ANKS1B: variants seen among roughly 807,000 people sequenced by gnomAD.
The protein encoded by ANKS1B is ankyrin repeat and sterile alpha motif domain containing 1B.
Under a neutral mutation model 148.3 loss-of-function variants are expected in ANKS1B, and 36 were observed. The observed-to-expected ratio is 0.24, with a 90% CI of 0.19 to 0.32. The LOEUF (loss-of-function observed/expected upper bound fraction) is 0.32. Ranked by LOEUF, ANKS1B falls within the 10% of genes least tolerant of loss-of-function variation. The pLI, the probability that ANKS1B is intolerant of heterozygous loss-of-function variation, is 1.00. For synonymous variants in ANKS1B, 542 were observed against 560.8 expected, an observed-to-expected ratio of 0.97 and a Z score of 0.47; for missense variants, 1,157 against 1,542.6, an observed-to-expected ratio of 0.75 and a Z score of 4.19.
At chr12:99,642,390 C>T (rs910291669) in intron 9 of ANKS1B, among the ~76,000 whole-genome samples, 8 of 152,006 alleles carry the variant, frequency 5.3e-5, no homozygotes, top group South Asian at 2.1e-4. Flanking sequence ...TGTAACAAAC[C>T]GCCACAAACT....
At chr12:99,711,650 C>T (rs546656983) in intron 8 of ANKS1B, among the ~76,000 whole-genome samples, 3 of 152,154 alleles carry the variant, frequency 2.0e-5, no homozygotes, top group South Asian at 4.1e-4. Context: ...CAATGAGATA[C>T]CATCTCGCAC....
At chr12:99,262,467 G>A (rs2076020347) in intron 12 of ANKS1B, among the ~76,000 whole-genome samples, 1 of 151,994 alleles carries the variant, frequency 6.6e-6, no homozygotes, top group South Asian at 2.1e-4. Flanking sequence ...TTAACAATAA[G>A]TGACTTTAAA....
chr12:99,508,864 G>T (rs1419983351), intron 9 of ANKS1B, among the ~76,000 whole-genome samples: 1 of 151,712 alleles, frequency 6.6e-6, no homozygotes, highest in Non-Finnish European at 1.5e-5. Context: ...GGTGTATCGT[G>T]TTTTACAGAT....
chr12:99,720,452 T>G (rs1048901114), intron 8 of ANKS1B, among the ~76,000 whole-genome samples: 1 of 152,148 alleles, frequency 6.6e-6, no homozygotes, highest in Admixed American at 6.5e-5. Context: ...CAGCCTTTAT[T>G]AGTCAAATCA....
intron 12 of ANKS1B, among the ~76,000 whole-genome samples, chr12:99,280,727 T>A (rs550027278): frequency 6.6e-6 from 1 of 152,316 alleles, no homozygotes; most frequent in African/African-American, 2.4e-5. Context: ...TGTTTTCTTT[T>A]CTGCTTTCAG....
chr12:99,634,798 T>C (rs1484801094), intron 9 of ANKS1B, among the ~76,000 whole-genome samples: 1 of 152,158 alleles, frequency 6.6e-6, no homozygotes, highest in Non-Finnish European at 1.5e-5. Context: ...TTTAAAACTG[T>C]GCGTCAAGGG....
In ANKS1B at chr12:99,589,397, G is replaced by T. The variant is rs1278889915; in HGVS notation, c.1272+65670C>A. Reference sequence around the variant, plus strand: ...TTCATCTGAAGTTCCCCTTCCCCAGGATTTTCAATCCCTTGATTCCACAAC... The same window carrying T: ...TTCATCTGAAGTTCCCCTTCCCCAGTATTTTCAATCCCTTGATTCCACAAC... On this transcript the variant is annotated intron_variant, in intron 9 of 26. Transcript: ENST00000683438. Among the ~76,000 whole-genome samples, 3 of 152,054 alleles carry T rather than the reference G, an allele frequency of 2.0e-5. No individual in the cohort carries two copies. In the East Asian group the frequency reaches 5.8e-4, roughly 29 times the overall value.
At chr12:99,136,589 T>A (rs926907024) in intron 15 of ANKS1B, among the ~76,000 whole-genome samples, 1 of 152,198 alleles carries the variant, frequency 6.6e-6, no homozygotes, top group Non-Finnish European at 1.5e-5. Flanking sequence ...ATTGACAATG[T>A]AAATCCTCAT....
At chr12:99,045,389 T>C (rs993887998) in intron 17 of ANKS1B, among the ~76,000 whole-genome samples, 2 of 152,306 alleles carry the variant, frequency 1.3e-5, no homozygotes, top group East Asian at 3.9e-4. Context: ...TTCTTAAGTG[T>C]GTCTGCTGCT....
chr12:99,624,997 G>A (rs1446146978), intron 9 of ANKS1B, among the ~76,000 whole-genome samples: 1 of 151,910 alleles, frequency 6.6e-6, no homozygotes. Context: ...AATCAACCCA[G>A]GTGCCTATCA....
At chr12:99,329,415 T>C (rs2087067518) in intron 12 of ANKS1B, among the ~76,000 whole-genome samples, 1 of 151,958 alleles carries the variant, frequency 6.6e-6, no homozygotes. Flanking sequence ...TTTATACCCA[T>C]AAATGTTGAT....
chr12:99,626,794 T>C (rs1466864459), intron 9 of ANKS1B, among the ~76,000 whole-genome samples: 1 of 152,114 alleles, frequency 6.6e-6, no homozygotes, highest in Non-Finnish European at 1.5e-5. Flanking sequence ...AAGAAGACCA[T>C]GGACAGGGCC....
intron 9 of ANKS1B, chr12:99,647,887 T>C: frequency 2.5e-6 from 1 of 405,134 alleles, no homozygotes; most frequent in Non-Finnish European, 4.4e-6. Context: ...CACTGACACC[T>C]GTGTGCCCGG....
At chr12:99,822,536 T>C (rs1256327785) in intron 2 of ANKS1B, among the ~76,000 whole-genome samples, 1 of 152,230 alleles carries the variant, frequency 6.6e-6, no homozygotes, top group Non-Finnish European at 1.5e-5. Flanking sequence ...AGTGAGAACA[T>C]GCAGTATTTG....
chr12:99,587,005 T>C (rs2097649184), intron 9 of ANKS1B, among the ~76,000 whole-genome samples: 2 of 152,142 alleles, frequency 1.3e-5, no homozygotes, highest in African/African-American at 4.8e-5. Context: ...TATATATATA[T>C]ATTTGCTACT....
intron 1 of ANKS1B, among the ~76,000 whole-genome samples, chr12:99,957,833 T>G (rs868245940): frequency 6.5e-4 from 99 of 152,354 alleles, no homozygotes; most frequent in African/African-American, 2.2e-3. Context: ...CCCATTAGCA[T>G]GTGCCCTGTT....
intron 1 of ANKS1B, among the ~76,000 whole-genome samples, chr12:99,928,271 A>ATTTTTTTTT (rs763106581): frequency 1.0e-5 from 1 of 99,066 alleles, no homozygotes; most frequent in Non-Finnish European, 2.3e-5. Flanking sequence ...ATTTTATTTT[A>ATTTTTTTTT]TTTTTTTTTT....
chr12:99,894,878 T>C (rs2093326443), intron 1 of ANKS1B, among the ~76,000 whole-genome samples: 1 of 149,956 alleles, frequency 6.7e-6, no homozygotes, highest in African/African-American at 2.4e-5. Context: ...AATGTAAGAG[T>C]TCTGAACATG....
intron 17 of ANKS1B, among the ~76,000 whole-genome samples, chr12:98,869,682 T>TGCACATAGACACATACACAC (rs71081887): frequency 6.6e-6 from 1 of 151,516 alleles, no homozygotes; most frequent in Non-Finnish European, 1.5e-5. Context: ...GTGGAATGCA[T>TGCACATAGACACATACACAC]ACATATGTAT....
Sources: gnomAD v4.1 joint callset for allele counts (sites outside exome capture counted in the v4.1 genomes callset) on GRCh38, gnomAD v4.1.1 for gene constraint, MANE v1.5 for transcripts, NCBI Gene and HGNC (gene_info 2026-07-23, HGNC 2026-07-21) for gene names.